ZNF516: variants seen among roughly 807,000 people sequenced by gnomAD.
ZNF516 encodes the protein zinc finger protein 516.
A neutral mutation model predicts 79.7 loss-of-function variants in ZNF516; 19 were observed. The observed-to-expected ratio is 0.24, with a 90% CI of 0.17 to 0.35. The LOEUF is 0.35. ZNF516 is among the 10% of genes least tolerant of loss of function. ZNF516 has a pLI of 1.00. For synonymous variants in ZNF516, 877 were observed against 739.5 expected, an observed-to-expected ratio of 1.19 and a Z score of -3.02; for missense variants, 1,678 against 1,679.5, an observed-to-expected ratio of 1.00 and a Z score of 0.02.
Position 76,459,519 on chromosome 18 carries a change from C to G in ZNF516, c.-158+3509G>C, listed in dbSNP as rs1336746741. Among the ~76,000 whole-genome samples the G allele has an allele frequency of 6.6e-6, 1 of 152,218 alleles. No individual in the cohort carries two copies. The highest frequency in any genetic ancestry group is 2.4e-5 in the African/African-American group (1 of 41,464). On this transcript the variant is annotated intron_variant, in intron 2 of 6. Coordinates refer to ENST00000443185, the MANE Select transcript of ZNF516 (RefSeq NM_014643.4). The surrounding 1 kb of genome is among the most constrained non-coding windows in gnomAD (Gnocchi z 5.0). ...CCATTCAGGACGTGGCGGCCGTGTG[C>G]ACCCCATCGGGCACCGCGTCGCCTC...
rs766966861 is a variant in ZNF516 at position 76,441,234 on chromosome 18, C to A, written c.1810+11G>T. The A allele has an allele frequency of 6.2e-7, 1 of 1,606,766 alleles. No individual in the cohort carries two copies. The highest frequency in any genetic ancestry group is 8.5e-7 in the Non-Finnish European group (1 of 1,177,612). ...TCCCAGGACCCAGGCCACCTGGGTACACTTGCTCACCTGGTGCAGGTTCAG... is the reference window on the plus strand; with the variant it reads ...TCCCAGGACCCAGGCCACCTGGGTAAACTTGCTCACCTGGTGCAGGTTCAG... On this transcript the variant is annotated intron_variant, in intron 3 of 6. Coordinates refer to ENST00000443185, the MANE Select transcript of ZNF516 (RefSeq NM_014643.4).
intron 4 of ZNF516, among the ~76,000 whole-genome samples, chr18:76,377,041 C>T (rs564117112): frequency 4.7e-4 from 72 of 152,346 alleles, no homozygotes; most frequent in African/African-American, 1.7e-3. Flanking sequence ...TTCCACTTAG[C>T]AGCAAATAAT....
At chr18:76,392,349 T>C (rs939836993) in intron 3 of ZNF516, among the ~76,000 whole-genome samples, 4 of 152,218 alleles carry the variant, frequency 2.6e-5, no homozygotes, top group African/African-American at 9.6e-5. Flanking sequence ...GCTCTAGGGT[T>C]GGCAAACGGG....
At chr18:76,430,458 T>C (rs1449507367) in intron 3 of ZNF516, among the ~76,000 whole-genome samples, 1 of 152,196 alleles carries the variant, frequency 6.6e-6, no homozygotes, top group African/African-American at 2.4e-5. Context: ...TCTCTAATTG[T>C]CCAGTCCAAT....
rs1252152025 is a variant in ZNF516, at chr18:76,459,433, C to T, written c.-158+3595G>A. Among the ~76,000 whole-genome samples, 1 of 152,250 alleles carries T rather than the reference C, an allele frequency of 6.6e-6. No homozygotes were observed. The highest frequency in any genetic ancestry group is 2.4e-5 in the African/African-American group (1 of 41,472). ...TTCGTGGGAGAAAACTCTGGCCCTC[C>T]ACTGCCGGCCAGGGAGGCCTCGCGT... On this transcript the variant is annotated intron_variant, in intron 2 of 6. Coordinates refer to ENST00000443185, the MANE Select transcript of ZNF516 (RefSeq NM_014643.4). The surrounding 1 kb of genome is among the most constrained non-coding windows in gnomAD (Gnocchi z 5.0).
At chr18:76,487,880 G>C (rs1310563476) in intron 1 of ZNF516, 1 of 965,578 alleles carries the variant, frequency 1.0e-6, no homozygotes. Flanking sequence ...CTACACTTTC[G>C]GCCAGTCAGG....
At chr18:76,375,530 C>A (rs1445662118) in intron 4 of ZNF516, among the ~76,000 whole-genome samples, 1 of 150,266 alleles carries the variant, frequency 6.7e-6, no homozygotes, top group Admixed American at 6.6e-5. Flanking sequence ...GCAGAAGGTC[C>A]TGGAGATCAG....
Position 76,493,026 on chromosome 18 carries a change from G to A in ZNF516, c.-272+2118C>T. On this transcript the variant is annotated intron_variant, in intron 1 of 6. Coordinates refer to ENST00000443185, the MANE Select transcript of ZNF516 (RefSeq NM_014643.4). The surrounding 1 kb of genome is among the most constrained non-coding windows in gnomAD (Gnocchi z 5.2). ...CCAAATTACCTCCGGGATGGAGAAA[G>A]CCGCTGCGGATTGGCCAGCAGAGCC... The A allele has an allele frequency of 1.0e-6, 1 of 985,302 alleles. No individual in the cohort carries two copies. The highest frequency in any genetic ancestry group is 1.2e-6 in the Non-Finnish European group (1 of 830,030). The allele number at this position is 985,302 out of a possible 1,614,324, so 61.0% of individuals were successfully genotyped here.
chr18:76,485,683 G>A (rs576095917), intron 1 of ZNF516, among the ~76,000 whole-genome samples: 3 of 152,124 alleles, frequency 2.0e-5, no homozygotes, highest in Admixed American at 2.0e-4. Context: ...CCTGCAACAT[G>A]GCATAAGAGC....
At chr18:76,423,730 CT>C (rs2075543325) in intron 3 of ZNF516, among the ~76,000 whole-genome samples, 2 of 115,442 alleles carry the variant, frequency 1.7e-5, no homozygotes, top group Admixed American at 8.5e-5. Context: ...AAAAGGCTCC[CT>C]CCTGAAACAT....
At chr18:76,396,245 C>T (rs1486377335) in intron 3 of ZNF516, among the ~76,000 whole-genome samples, 3 of 152,046 alleles carry the variant, frequency 2.0e-5, no homozygotes, top group African/African-American at 7.2e-5. Context: ...AAACTAGCCC[C>T]ATACAAGTGT....
intron 3 of ZNF516, among the ~76,000 whole-genome samples, chr18:76,440,869 T>C (rs948871048): frequency 6.6e-6 from 1 of 152,152 alleles, no homozygotes; most frequent in Non-Finnish European, 1.5e-5. Flanking sequence ...GCTCAGAAAT[T>C]AGGATTACAG....
At position 76,437,375 on chromosome 18, in the gene ZNF516, G is replaced by T. The variant is rs898129507; in HGVS notation, c.1810+3870C>A. ...GCAGGGAGGCAGCCAGCGAGGGGAC[G>T]GGAAACGTGAGACACTCTGAAGGTA... On this transcript the variant is annotated intron_variant, in intron 3 of 6. Coordinates refer to ENST00000443185, the MANE Select transcript of ZNF516 (RefSeq NM_014643.4). 2.6e-5 allele frequency among the ~76,000 whole-genome samples: 4 copies of T among 152,138 alleles called. No homozygotes were observed. In the East Asian group the frequency reaches 7.7e-4, roughly 29 times the overall value.
intron 2 of ZNF516, among the ~76,000 whole-genome samples, chr18:76,457,852 G>A (rs902061189): frequency 2.6e-4 from 39 of 152,204 alleles, no homozygotes; most frequent in African/African-American, 9.2e-4. Context: ...TGTCGATCCA[G>A]TCTTGGAATC....
intron 3 of ZNF516, among the ~76,000 whole-genome samples, chr18:76,412,640 C>T (rs2075385803): frequency 6.6e-6 from 1 of 152,212 alleles, no homozygotes. Context: ...GATAAGGACA[C>T]ACCGTGCCTC....
Position 76,441,879 on chromosome 18 carries a change from C to A in ZNF516, c.1176G>T (p.Ser392=), listed in dbSNP as rs772436956. 6.3e-7 allele frequency: 1 copy of A among 1,588,912 alleles called. No individual in the cohort carries two copies. Among genetic ancestry groups the A allele is most frequent in the African/African-American group, 1.3e-5 (1 of 74,766 alleles). Residue 392 remains serine, a synonymous_variant, in exon 3 of 7, where the codon TCG becomes TCT. Coordinates refer to ENST00000443185, the MANE Select transcript of ZNF516 (RefSeq NM_014643.4). The part of the protein sequence containing the change: ...FFLQCLNLRP[S]AAGDSCPGTQ... ...TGCCAGGGCACGAGTCGCCGGCCGC[C>A]GACGGCCTCAGGTTCAGGCACTGGA...
chr18:76,491,466 C>G (rs1906448239), intron 1 of ZNF516, among the ~76,000 whole-genome samples: 1 of 138,872 alleles, frequency 7.2e-6, no homozygotes, highest in South Asian at 2.4e-4. Context: ...TGTTATGGTG[C>G]GAAGTTGGGC....
At chr18:76,362,613 TA>T (rs1299172103) in intron 6 of ZNF516, 56 bp from the exon 7 acceptor site, 1 of 1,517,784 alleles carries the variant, frequency 6.6e-7, no homozygotes, top group Non-Finnish European at 9.1e-7. Context: ...TTTTGGTTTC[TA>T]AATGCATTTT....
At chr18:76,461,526 G>GAAA (rs149894133) in intron 2 of ZNF516, among the ~76,000 whole-genome samples, 1,594 of 152,324 alleles carry the variant, frequency 0.01, 26 homozygotes, top group African/African-American at 0.036. Flanking sequence ...GCCTTTAGAG[G>GAAA]AAATTTGGGG....
Sources: gnomAD v4.1 joint callset for allele counts (sites outside exome capture counted in the v4.1 genomes callset) on GRCh38, gnomAD v4.1.1 for gene constraint, Gnocchi (gnomAD v3.1) non-coding constraint, MANE v1.5 for transcripts, NCBI Gene and HGNC (gene_info 2026-07-23, HGNC 2026-07-21) for gene names.